MTUS2: variants seen among roughly 807,000 people sequenced by gnomAD.
MTUS2 encodes the protein microtubule-associated tumor suppressor candidate 2.
A neutral mutation model predicts 114.1 loss-of-function variants in MTUS2; 40 were observed. The ratio of observed to expected loss-of-function variants is 0.35; its 90% confidence interval spans 0.27 to 0.46. MTUS2 has a LOEUF of 0.46. Ranked by LOEUF, MTUS2 falls within the 20% of genes least tolerant of loss-of-function variation. The pLI is 1.00. For synonymous variants in MTUS2, 688 were observed against 672.0 expected (o/e 1.02, Z -0.37); for missense variants, 1,679 against 1,705.4 (o/e 0.98, Z 0.27).
At chr13:29,339,750 C>G in intron 7 of MTUS2, 1 of 169,320 alleles carries the variant, frequency 5.9e-6, no homozygotes, top group Non-Finnish European at 1.3e-5. Context: ...TTGGGAGGAG[C>G]GGTGAGGAGG....
At position 29,382,179 on chromosome 13, in the gene MTUS2, C is replaced by T. The variant is rs559495707; in HGVS notation, c.3117+22706C>T. Among the ~76,000 whole-genome samples the T allele has an allele frequency of 2.0e-5, 3 of 152,290 alleles. No homozygotes were observed. In the East Asian group the frequency reaches 5.8e-4, roughly 29 times the overall value. The stretch of plus-strand genomic sequence containing the variant: ...GGTTGGGTGAAGGGAATGGGAGGAA[C>T]TATTCTGGGGAGATGGTTGACAGGT... On this transcript the variant is annotated intron_variant, in intron 8 of 15. Coordinates refer to ENST00000612955, the MANE Select transcript of MTUS2 (RefSeq NM_001033602.4).
At chr13:28,877,986 C>T (rs371757457) in intron 2 of MTUS2, among the ~76,000 whole-genome samples, 1 of 152,222 alleles carries the variant, frequency 6.6e-6, no homozygotes, top group South Asian at 2.1e-4. Context: ...TACTGACCTC[C>T]TGAGTTCAGG....
chr13:29,371,215 ACCAC>A (rs200500435), intron 8 of MTUS2, among the ~76,000 whole-genome samples: 29,567 of 124,500 alleles, frequency 0.24, 3,138 homozygotes, highest in Middle Eastern at 0.29. Flanking sequence ...CTTCACATTA[ACCAC>A]CCCCCCCCCC....
rs555796006 is a variant in MTUS2, at chr13:29,359,268, C to T, written c.2912C>T (p.Pro971Leu). Reference sequence around the variant, plus strand: ...TTGGTTTTCTTTCTCACAGGATACCCAAAGCAGAGGACTGCGGCAGCTCGA... The same window carrying T: ...TTGGTTTTCTTTCTCACAGGATACCTAAAGCAGAGGACTGCGGCAGCTCGA... ...STTKLHSPGY[P>L]KQRTAAARNG... Residue 971 changes from proline to leucine, a missense_variant, in exon 8 of 16, where the codon CCA becomes CTA. Physicochemically the swap from Pro to Leu is moderately conservative, Grantham distance 98. Transcript: ENST00000612955. The T allele has an allele frequency of 5.6e-6, 9 of 1,598,704 alleles. No individual in the cohort carries two copies. The East Asian group carries it at 6.8e-5, about 12-fold the overall frequency.
At position 29,265,293 on chromosome 13, in the gene MTUS2, G is replaced by A. The variant is rs192806244; in HGVS notation, c.2645-16411G>A. Among the ~76,000 whole-genome samples, 75 of 152,268 alleles carry A rather than the reference G, an allele frequency of 4.9e-4. No individual in the cohort carries two copies. In the East Asian group the frequency reaches 0.014, roughly 28 times the overall value. On this transcript the variant is annotated intron_variant, in intron 5 of 15. Coordinates refer to ENST00000612955, the MANE Select transcript of MTUS2 (RefSeq NM_001033602.4). ...TCCAATACATTCCTCATTTCCATCT[G>A]GGAGTTTGTCAGCCTAGATTTCACT...
chr13:29,480,313 G>A lies in MTUS2; in HGVS notation c.3348G>A (p.Gln1116=), dbSNP rs1881064008. The stretch of plus-strand genomic sequence containing the variant: ...TCGAGGCGGAAATGGCGCGCCTGCA[G>A]GAGGAGCACGGTGACCAGCTGCTGA... ...LQFEAEMARL[Q]EEHGDQLLSI... The change falls in exon 10 of 16, where the codon CAG becomes CAA. Residue 1116 remains glutamine, a synonymous_variant. Transcript: ENST00000612955. This position sits in a 1 kb window ranked among gnomAD's most constrained non-coding sequence, Gnocchi z 4.4. 5.1e-6 allele frequency: 8 copies of A among 1,555,428 alleles called. No homozygotes were observed. The South Asian group carries it at 7.1e-5, about 14-fold the overall frequency.
At chr13:29,175,283 T>A (rs538171096) in intron 5 of MTUS2, among the ~76,000 whole-genome samples, 188 of 152,248 alleles carry the variant, frequency 1.2e-3, no homozygotes, top group Non-Finnish European at 1.3e-4. Context: ...TAGTGGACAA[T>A]AAAACATAAA....
At chr13:29,424,386 G>C (rs1392400475) in intron 8 of MTUS2, among the ~76,000 whole-genome samples, 1 of 152,022 alleles carries the variant, frequency 6.6e-6, no homozygotes, top group African/African-American at 2.4e-5. Context: ...CCCAGTTGAA[G>C]AAAAATTCTT....
At chr13:29,036,426 C>A (rs116481421) in intron 4 of MTUS2, among the ~76,000 whole-genome samples, 1 of 152,180 alleles carries the variant, frequency 6.6e-6, no homozygotes. Context: ...AACCTCCTTA[C>A]AATTATGTGG....
intron 2 of MTUS2, among the ~76,000 whole-genome samples, chr13:28,888,374 T>A (rs1220863135): frequency 6.6e-6 from 1 of 151,238 alleles, no homozygotes; most frequent in Non-Finnish European, 1.5e-5. Flanking sequence ...AATGAGAATA[T>A]ATCAGATGGA....
chr13:28,932,962 A>G (rs756193918), intron 2 of MTUS2, among the ~76,000 whole-genome samples: 1 of 152,230 alleles, frequency 6.6e-6, no homozygotes, highest in Non-Finnish European at 1.5e-5. Context: ...AATAAAGGGC[A>G]TAGTTTCTGC....
At chr13:29,119,946 G>T (rs1179818079) in intron 5 of MTUS2, among the ~76,000 whole-genome samples, 1 of 152,036 alleles carries the variant, frequency 6.6e-6, no homozygotes, top group African/African-American at 2.4e-5. Context: ...TCAGTAAAAA[G>T]AATACATAAA....
chr13:29,142,993 G>A (rs1216229557), intron 5 of MTUS2, among the ~76,000 whole-genome samples: 2 of 152,216 alleles, frequency 1.3e-5, no homozygotes, highest in South Asian at 2.1e-4. Flanking sequence ...ACAAAAACCA[G>A]AGAAGATTGG....
At chr13:29,428,041 C>T (rs1445050053) in intron 8 of MTUS2, among the ~76,000 whole-genome samples, 2 of 152,174 alleles carry the variant, frequency 1.3e-5, no homozygotes, top group African/African-American at 4.8e-5. Flanking sequence ...GAGATACCTG[C>T]CCCAAGCCCC....
chr13:29,113,859 C>T (rs1566015544), intron 5 of MTUS2, among the ~76,000 whole-genome samples: 1 of 152,024 alleles, frequency 6.6e-6, no homozygotes, highest in Non-Finnish European at 1.5e-5. Flanking sequence ...ATGTAATCCC[C>T]AGTGTTGGAG....
intron 5 of MTUS2, among the ~76,000 whole-genome samples, chr13:29,128,950 T>A (rs1891636198): frequency 6.6e-6 from 1 of 152,196 alleles, no homozygotes; most frequent in South Asian, 2.1e-4. Flanking sequence ...ATATTGTGCA[T>A]CAAAGGATGA....
chr13:29,442,866 T>C (rs989810356), intron 9 of MTUS2, among the ~76,000 whole-genome samples: 1 of 152,202 alleles, frequency 6.6e-6, no homozygotes, highest in South Asian at 2.1e-4. Flanking sequence ...GCTAGAACAA[T>C]GTGCAGTGTT....
At chr13:29,137,197 A>G (rs1476139033) in intron 5 of MTUS2, among the ~76,000 whole-genome samples, 2 of 152,106 alleles carry the variant, frequency 1.3e-5, no homozygotes, top group Non-Finnish European at 2.9e-5. Context: ...CTGGCCTCCA[A>G]TGTTTCTGAT....
intron 7 of MTUS2, among the ~76,000 whole-genome samples, chr13:29,351,383 A>G (rs1461482837): frequency 1.3e-5 from 2 of 152,032 alleles, no homozygotes; most frequent in Non-Finnish European, 2.9e-5. Flanking sequence ...ATTTTCTGTC[A>G]TCTCTCCCAT....
Sources: gnomAD v4.1 joint callset for allele counts (sites outside exome capture counted in the v4.1 genomes callset) on GRCh38, gnomAD v4.1.1 for gene constraint, Gnocchi (gnomAD v3.1) non-coding constraint, MANE v1.5 for transcripts, NCBI Gene and HGNC (gene_info 2026-07-23, HGNC 2026-07-21) for gene names.